KLHL14: variants seen among roughly 807,000 people sequenced by gnomAD.
KLHL14 encodes the protein kelch like family member 14, also known as kelch-like protein 14.
A neutral mutation model predicts 64.3 loss-of-function variants in KLHL14; 22 were observed. The observed-to-expected ratio is 0.34, with a 90% CI of 0.24 to 0.49. The LOEUF is 0.49. KLHL14 is among the 20% of genes least tolerant of loss of function. The probability of loss-of-function intolerance (pLI) is 0.99; values close to 1 mark genes in which losing one functional copy is unlikely to be tolerated. For missense variants in KLHL14, 661 were observed against 789.0 expected (o/e 0.84, Z 1.94); for synonymous variants, 322 against 333.4 (o/e 0.97, Z 0.37).
chr18:32,738,715 ACT>A (rs2050179147), intron 3 of KLHL14: 1 of 152,052 alleles, frequency 6.6e-6, no homozygotes. Flanking sequence ...TGTTTCCTTT[ACT>A]GTTTGGGTAG....
intron 3 of KLHL14, among the ~76,000 whole-genome samples, chr18:32,701,139 T>C (rs1027224976): frequency 6.6e-6 from 1 of 152,180 alleles, no homozygotes; most frequent in African/African-American, 2.4e-5. Flanking sequence ...CATTCTATAA[T>C]TGATTCCATT....
At chr18:32,763,811 C>T (rs149545409) in intron 2 of KLHL14, among the ~76,000 whole-genome samples, 4 of 152,276 alleles carry the variant, frequency 2.6e-5, no homozygotes, top group East Asian at 3.9e-4. Context: ...CAATTTACAA[C>T]GAACTCACAT....
chr18:32,685,147 C>G (rs1462186511), intron 5 of KLHL14, among the ~76,000 whole-genome samples: 1 of 152,100 alleles, frequency 6.6e-6, no homozygotes, highest in Non-Finnish European at 1.5e-5. Flanking sequence ...CGGGCGCCGA[C>G]AGACCATGGC....
chr18:32,745,175 T>G (rs1444816224), intron 2 of KLHL14: 1 of 152,206 alleles, frequency 6.6e-6, no homozygotes, highest in Non-Finnish European at 1.5e-5. Flanking sequence ...CATTGTTGTA[T>G]TTACATCATC....
chr18:32,697,196 T>C (rs541660877), intron 3 of KLHL14, among the ~76,000 whole-genome samples: 2 of 152,356 alleles, frequency 1.3e-5, no homozygotes, highest in African/African-American at 2.4e-5. Flanking sequence ...TCAGAATTCA[T>C]TGTGGCAGAG....
At chr18:32,709,594 G>A (rs2050008913) in intron 3 of KLHL14, among the ~76,000 whole-genome samples, 1 of 152,040 alleles carries the variant, frequency 6.6e-6, no homozygotes, top group African/African-American at 2.4e-5. Flanking sequence ...GACTATAGGT[G>A]TGTGCCATCA....
chr18:32,731,205 T>A (rs1012971515), intron 3 of KLHL14, among the ~76,000 whole-genome samples: 1 of 152,242 alleles, frequency 6.6e-6, no homozygotes. Flanking sequence ...CATAGAGTCA[T>A]CTCATGGATT....
At chr18:32,724,153 AGC>A (rs1487148903) in intron 3 of KLHL14, among the ~76,000 whole-genome samples, 1 of 152,206 alleles carries the variant, frequency 6.6e-6, no homozygotes, top group African/African-American at 2.4e-5. Context: ...GTAGGTCAGA[AGC>A]CAAGGGTTTA....
intron 3 of KLHL14, among the ~76,000 whole-genome samples, chr18:32,708,164 T>C (rs2144497572): frequency 6.6e-6 from 1 of 152,320 alleles, no homozygotes; most frequent in South Asian, 2.1e-4. Flanking sequence ...TCTGACAAAC[T>C]GCTTCTGGGC....
intron 3 of KLHL14, among the ~76,000 whole-genome samples, chr18:32,724,975 C>G (rs1204204688): frequency 6.6e-6 from 1 of 151,744 alleles, no homozygotes; most frequent in African/African-American, 2.4e-5. Context: ...TGTTCATTAC[C>G]ATGTTTAGCA....
chr18:32,751,118 ATC>A (rs1471709788), intron 2 of KLHL14, among the ~76,000 whole-genome samples: 2 of 152,196 alleles, frequency 1.3e-5, no homozygotes, highest in Non-Finnish European at 2.9e-5. Context: ...ACAGAGGTAG[ATC>A]CCTCTACTCC....
intron 3 of KLHL14, among the ~76,000 whole-genome samples, chr18:32,719,741 T>C (rs113979109): frequency 3.9e-5 from 6 of 152,196 alleles, no homozygotes; most frequent in African/African-American, 1.4e-4. Context: ...TAAACAACTA[T>C]GTCACAAAAC....
In KLHL14 at chr18:32,712,041, T is replaced by C. The variant is rs79990190; in HGVS notation, c.1070-16489A>G. 3.3e-4 allele frequency among the ~76,000 whole-genome samples: 50 copies of C among 152,322 alleles called. No individual in the cohort carries two copies. The East Asian group carries it at 8.7e-3, about 26-fold the overall frequency. ...GATCGAGGGGCTAATGGGCCTAAAC[T>C]GGCCCACCATTTGTTTTTGTTAATA... is the stretch of plus-strand genomic sequence containing the variant. On this transcript the variant is annotated intron_variant, in intron 3 of 8. Transcript: ENST00000359358.
In KLHL14 at chr18:32,751,895, G is replaced by A. The variant is rs564506966; in HGVS notation, c.948-9846C>T. ...TAATCCCAGCCCTTTGGAAGGCCAA[G>A]GTGGGCAGATCACTTGAGGTCAGCA... On this transcript the variant is annotated intron_variant, in intron 2 of 8. Coordinates refer to ENST00000359358, the MANE Select transcript of KLHL14 (RefSeq NM_020805.3). Among the ~76,000 whole-genome samples, 18 of 152,314 alleles carry A rather than the reference G, an allele frequency of 1.2e-4. No individual in the cohort carries two copies. The South Asian group carries it at 3.7e-3, about 32-fold the overall frequency.
At chr18:32,742,189 G>T in intron 2 of KLHL14, 140 bp from the exon 3 acceptor site, 1 of 971,536 alleles carries the variant, frequency 1.0e-6, no homozygotes, top group Non-Finnish European at 1.5e-6. Flanking sequence ...CCCCATTCAT[G>T]TCTCAACAAT....
At chr18:32,700,306 A>G (rs2049958833) in intron 3 of KLHL14, among the ~76,000 whole-genome samples, 1 of 152,206 alleles carries the variant, frequency 6.6e-6, no homozygotes, top group African/African-American at 2.4e-5. Flanking sequence ...ATAAGCTTGC[A>G]AAACTGTCAG....
chr18:32,746,281 T>C (rs1194958022), intron 2 of KLHL14, among the ~76,000 whole-genome samples: 1 of 152,240 alleles, frequency 6.6e-6, no homozygotes, highest in Non-Finnish European at 1.5e-5. Flanking sequence ...GATTCTTGCA[T>C]AGAAAAATGT....
At chr18:32,771,732 T>TAA (rs1288156404) in intron 1 of KLHL14, among the ~76,000 whole-genome samples, 1 of 140,648 alleles carries the variant, frequency 7.1e-6, no homozygotes, top group Non-Finnish European at 1.5e-5. Flanking sequence ...TCGCTTTAAC[T>TAA]CCAGTAACTA....
rs942731762 is a variant in KLHL14 at position 32,683,620 on chromosome 18, C to T, written c.1239-3021G>A. ...TGTTTCTGTTTCAAATTGTTCATCT[C>T]TCCCTCCTTCAGCCTCCCCTGCCCC... On this transcript the variant is annotated intron_variant, in intron 5 of 8. Coordinates refer to ENST00000359358, the MANE Select transcript of KLHL14 (RefSeq NM_020805.3). The surrounding 1 kb of genome is among the most constrained non-coding windows in gnomAD (Gnocchi z 4.2). Among the ~76,000 whole-genome samples, 4 of 152,170 alleles carry T rather than the reference C, an allele frequency of 2.6e-5. No homozygotes were observed. The highest frequency in any genetic ancestry group is 4.8e-5 in the African/African-American group (2 of 41,436).
Sources: gnomAD v4.1 joint callset for allele counts (sites outside exome capture counted in the v4.1 genomes callset) on GRCh38, gnomAD v4.1.1 for gene constraint, Gnocchi (gnomAD v3.1) non-coding constraint, MANE v1.5 for transcripts, NCBI Gene and HGNC (gene_info 2026-07-23, HGNC 2026-07-21) for gene names.